The following RGS22 variants were observed in gnomAD, a reference collection of about 807,000 sequenced individuals.
The protein encoded by RGS22 is regulator of G protein signaling 22, also known as regulator of G-protein signaling 22.
A neutral mutation model predicts 172.9 loss-of-function variants in RGS22; 148 were observed. That is an observed-to-expected ratio of 0.86 (90% CI 0.75 to 0.98). The LOEUF (loss-of-function observed/expected upper bound fraction) is 0.98, where lower values mean the gene tolerates loss of function less well. Among genes scored for constraint, RGS22 ranks in the 50% least tolerant of loss-of-function variants. The pLI is 0.00. For missense variants in RGS22, 1,347 were observed against 1,440.8 expected (o/e 0.93, Z 1.05); for synonymous variants, 458 against 480.2 (o/e 0.95, Z 0.60).
Position 100,071,409 on chromosome 8 carries a change from T to C in RGS22, c.554A>G (p.Asn185Ser), listed in dbSNP as rs373021500. 6 of 1,612,140 alleles carry C rather than the reference T, an allele frequency of 3.7e-6. No individual in the cohort carries two copies. The African/African-American group carries it at 6.7e-5, about 18-fold the overall frequency. The part of the protein sequence containing the change: ...SLPPPATEED[N>S]LVIMKKFYVS... ...ATAGAACTTTTTCATAATTACAAGA[T>C]TATCTTCTTCAGTGGCAGGAGGTGG... is the stretch of plus-strand genomic sequence containing the variant. Residue 185 changes from asparagine (N) to serine (S), a missense_variant, in exon 6 of 28, where the codon AAT becomes AGT. Coordinates refer to ENST00000360863, the MANE Select transcript of RGS22 (RefSeq NM_015668.5).
chr8:100,081,163 G>A (rs1247885502), intron 3 of RGS22, among the ~76,000 whole-genome samples: 1 of 152,042 alleles, frequency 6.6e-6, no homozygotes, highest in Non-Finnish European at 1.5e-5. Context: ...GACTACTCAT[G>A]TAGATTAACT....
At chr8:100,016,504 G>A (rs1258036633) in intron 14 of RGS22, among the ~76,000 whole-genome samples, 1 of 151,958 alleles carries the variant, frequency 6.6e-6, no homozygotes, top group African/African-American at 2.4e-5. Flanking sequence ...CCTGCTGGGT[G>A]TGGTGACTCA....
chr8:99,967,213 C>T (rs555807732), intron 23 of RGS22, among the ~76,000 whole-genome samples: 15 of 152,316 alleles, frequency 9.8e-5, no homozygotes, highest in South Asian at 2.1e-4. Context: ...GCTCTTCCCA[C>T]GGTCTTCACA....
chr8:100,046,826 T>G (rs553844975), intron 11 of RGS22, among the ~76,000 whole-genome samples: 44 of 149,764 alleles, frequency 2.9e-4, no homozygotes, highest in Non-Finnish European at 2.4e-4. Context: ...TGTTTTTTTG[T>G]TTTTTTTTAG....
chr8:99,979,837 A>C (rs1372968113), intron 22 of RGS22, among the ~76,000 whole-genome samples: 1 of 152,232 alleles, frequency 6.6e-6, no homozygotes, highest in Non-Finnish European at 1.5e-5. Context: ...AAGAGGTTAC[A>C]GTCTAATGGG....
At chr8:100,014,548 C>T (rs1279127127) in intron 14 of RGS22, among the ~76,000 whole-genome samples, 1 of 152,194 alleles carries the variant, frequency 6.6e-6, no homozygotes, top group African/African-American at 2.4e-5. Context: ...ATCCCTTATG[C>T]AGCTTTAATA....
At chr8:100,102,858 T>C (rs548614624) in intron 2 of RGS22, among the ~76,000 whole-genome samples, 6 of 152,226 alleles carry the variant, frequency 3.9e-5, no homozygotes, top group African/African-American at 1.4e-4. Context: ...TGAAAAGTTA[T>C]AGAAAAGGTT....
chr8:100,057,566 T>C (rs1379346939), intron 9 of RGS22, among the ~76,000 whole-genome samples: 1 of 152,082 alleles, frequency 6.6e-6, no homozygotes, highest in East Asian at 1.9e-4. Flanking sequence ...GGTCTTGTGG[T>C]AGTGAATAAG....
At chr8:100,053,192 A>C (rs918061809) in intron 9 of RGS22, among the ~76,000 whole-genome samples, 1 of 152,178 alleles carries the variant, frequency 6.6e-6, no homozygotes, top group South Asian at 2.1e-4. Flanking sequence ...ACAAAAAGGC[A>C]ATATACATTG....
intron 20 of RGS22, among the ~76,000 whole-genome samples, chr8:99,995,102 T>C (rs1011491439): frequency 3.9e-5 from 6 of 152,170 alleles, no homozygotes; most frequent in African/African-American, 1.2e-4. Flanking sequence ...TTACACCTTA[T>C]ACAAAAATTA....
At chr8:100,061,409 A>G (rs905450047) in intron 9 of RGS22, among the ~76,000 whole-genome samples, 1 of 152,258 alleles carries the variant, frequency 6.6e-6, no homozygotes, top group Non-Finnish European at 1.5e-5. Flanking sequence ...CAAACTATGC[A>G]TCAAACGAAG....
At chr8:100,034,785 G>C (rs957629751) in intron 14 of RGS22, among the ~76,000 whole-genome samples, 3 of 152,084 alleles carry the variant, frequency 2.0e-5, no homozygotes, top group Non-Finnish European at 2.9e-5. Context: ...CAGAACAGAG[G>C]CCTCAGAAAT....
intron 2 of RGS22, among the ~76,000 whole-genome samples, chr8:100,095,130 T>G (rs1812864840): frequency 6.6e-6 from 1 of 152,210 alleles, no homozygotes; most frequent in African/African-American, 2.4e-5. Context: ...CCAGATGTCT[T>G]GCACTTCTAA....
chr8:99,987,580 T>C lies in RGS22; in HGVS notation c.3058A>G (p.Ile1020Val). ...TTCAATAATGCTTTGCGAAAAGCAA[T>C]GATTTTACAAGATGAAGAGATCCAC... ...SKWISSSCKI[I>V]AFRKALLNPV... is the part of the protein sequence containing the mutation. Residue 1020 changes from isoleucine (I) to valine (V), a missense_variant, in exon 21 of 28, where the codon ATT (isoleucine) becomes GTT (valine). Coordinates refer to ENST00000360863, the MANE Select transcript of RGS22 (RefSeq NM_015668.5). 1 of 1,610,174 alleles carries C rather than the reference T, an allele frequency of 6.2e-7. No homozygotes were observed. Among genetic ancestry groups the C allele is most frequent in the South Asian group, 1.1e-5 (1 of 90,674 alleles).
At chr8:99,991,022 C>T (rs756125205) in intron 20 of RGS22, among the ~76,000 whole-genome samples, 20 of 152,158 alleles carry the variant, frequency 1.3e-4, no homozygotes, top group Non-Finnish European at 2.8e-4. Context: ...AGCTGAGGAA[C>T]CTGACTGTTA....
At chr8:100,048,469 CTT>C (rs1277666293) in intron 10 of RGS22, among the ~76,000 whole-genome samples, 3 of 152,020 alleles carry the variant, frequency 2.0e-5, no homozygotes, top group African/African-American at 4.8e-5. Context: ...ACATACAAAA[CTT>C]TTCTAATACG....
chr8:100,073,438 A>C (rs1204154449), intron 4 of RGS22, among the ~76,000 whole-genome samples: 1 of 149,384 alleles, frequency 6.7e-6, no homozygotes, highest in African/African-American at 2.5e-5. Context: ...ACAAAAAAAA[A>C]AAACAAAAAA....
chr8:99,987,452 C>G lies in RGS22; in HGVS notation c.3180+6G>C, dbSNP rs1008272832. 2 of 1,595,408 alleles carry G rather than the reference C, an allele frequency of 1.3e-6. No homozygotes were observed. Among genetic ancestry groups the G allele is most frequent in the East Asian group, 2.2e-5 (1 of 44,538 alleles). ...AGGTGGTTTTCTCTAGCTCCCAATA[C>G]AATACCTTATATTTTTGTACTTCTT... On this transcript the variant is annotated splice_donor_region_variant and intron_variant, in intron 21 of 27. Transcript: ENST00000360863.
intron 14 of RGS22, among the ~76,000 whole-genome samples, chr8:100,023,648 T>C (rs1817854318): frequency 6.6e-6 from 1 of 152,122 alleles, no homozygotes; most frequent in African/African-American, 2.4e-5. Context: ...TTGTTCATGC[T>C]GATCTTGAAC....
Sources: gnomAD v4.1 joint callset for allele counts (sites outside exome capture counted in the v4.1 genomes callset) on GRCh38, gnomAD v4.1.1 for gene constraint, MANE v1.5 for transcripts, NCBI Gene and HGNC (gene_info 2026-07-23, HGNC 2026-07-21) for gene names.